The following RBM24 variants were observed in gnomAD, a reference collection of about 807,000 sequenced individuals.
RBM24 encodes RNA-binding protein 24.
A neutral mutation model predicts 23.6 loss-of-function variants in RBM24; 5 were observed. The ratio of observed to expected loss-of-function variants is 0.21; its 90% CI spans 0.11 to 0.45. The LOEUF (loss-of-function observed/expected upper bound fraction) is 0.45. RBM24 is among the 20% of genes least tolerant of loss of function. The pLI is 0.99. For synonymous variants in RBM24, 151 were observed against 129.5 expected (o/e 1.17, Z -1.13); for missense variants, 252 against 314.6 (o/e 0.80, Z 1.51).
chr6:17,293,256 CTAAAG>C lies in RBM24; in HGVS notation c.*1138_*1142del, dbSNP rs1581439813. The C allele has an allele frequency of 2.6e-5, 4 of 152,502 alleles. No individual in the cohort carries two copies. Among genetic ancestry groups the C allele is most frequent in the Admixed American group, 2.6e-4 (4 of 15,270 alleles). The allele number at this position is 152,502 out of a possible 1,614,324, so 9.4% of individuals were successfully genotyped here. ...TTTTTAAGTTTTACTATGCTGCACT[CTAAAG>C]AAAGGAACTTTAGATGTGACACTGT... On this transcript the variant is annotated 3_prime_UTR_variant, in exon 4 of 4. Coordinates refer to ENST00000379052, the MANE Select transcript of RBM24 (RefSeq NM_001143942.2).
chr6:17,290,163 C>A, intron 3 of RBM24: 1 of 1,126,472 alleles, frequency 8.9e-7, no homozygotes, highest in Non-Finnish European at 1.2e-6. Flanking sequence ...TGAGTGCTTT[C>A]AGTAAAACTC....
chr6:17,281,915 G>T lies in RBM24; in HGVS notation c.168+166G>T. ...AACTGAAACTTTGCTAGGGGAGAGG[G>T]TCGGCGCCAGCCTCGCGGGGTTCGG... On this transcript the variant is annotated intron_variant, in intron 1 of 3. Coordinates refer to ENST00000379052, the MANE Select transcript of RBM24 (RefSeq NM_001143942.2). The surrounding 1 kb of genome is among the most constrained non-coding windows in gnomAD (Gnocchi z 7.1). 1 of 1,323,940 alleles carries T rather than the reference G, an allele frequency of 7.6e-7. No homozygotes were observed. Among genetic ancestry groups the T allele is most frequent in the African/African-American group, 1.5e-5 (1 of 66,660 alleles). The allele number at this position is 1,323,940 out of a possible 1,614,324, so 82.0% of individuals were successfully genotyped here. A position where few individuals can be genotyped will look rare whatever the true frequency, so the allele number is the denominator to read the frequency against.
chr6:17,291,393 A>G (rs1760352250), intron 3 of RBM24, among the ~76,000 whole-genome samples: 1 of 152,222 alleles, frequency 6.6e-6, no homozygotes, highest in African/African-American at 2.4e-5. Context: ...TTATGAACTC[A>G]TTACAAAATT....
rs1760427191 is a variant in RBM24, at chr6:17,293,350, T to C, written c.*1231T>C. The C allele has an allele frequency of 6.5e-6, 1 of 152,672 alleles. No homozygotes were observed. Among genetic ancestry groups the C allele is most frequent in the Non-Finnish European group, 1.5e-5 (1 of 68,028 alleles). The allele number at this position is 152,672 out of a possible 1,614,324, so 9.5% of individuals were successfully genotyped here. A position where few individuals can be genotyped will look rare whatever the true frequency, so the allele number is the denominator to read the frequency against. ...AAGTCTAGATGTAGCGTATTAAATA[T>C]TAACCTATTCAACTAAAGATGTTGA... On this transcript the variant is annotated 3_prime_UTR_variant, in exon 4 of 4. Coordinates refer to ENST00000379052, the MANE Select transcript of RBM24 (RefSeq NM_001143942.2).
At chr6:17,288,070 ATTG>A (rs34085272) in intron 3 of RBM24, 1 of 160,196 alleles carries the variant, frequency 6.2e-6, no homozygotes, top group Non-Finnish European at 1.3e-5. Flanking sequence ...TGTTGAAGGC[ATTG>A]TTAATATCTT....
intron 2 of RBM24, chr6:17,283,143 G>T (rs1273271520): frequency 5.4e-5 from 28 of 519,878 alleles, no homozygotes; most frequent in Non-Finnish European, 9.4e-5. Context: ...AATGGATCTT[G>T]GGGGTCGTGC....
At chr6:17,286,831 TAAGG>T (rs1760213059) in intron 3 of RBM24, among the ~76,000 whole-genome samples, 1 of 152,284 alleles carries the variant, frequency 6.6e-6, no homozygotes, top group South Asian at 2.1e-4. Flanking sequence ...CCAGACTGTC[TAAGG>T]TGGGTCTTGA....
intron 3 of RBM24, chr6:17,288,577 G>A (rs764456159): frequency 1.8e-5 from 18 of 985,246 alleles, no homozygotes; most frequent in Middle Eastern, 5.2e-4. Flanking sequence ...GAGACTAAAC[G>A]ATAAAGCAAA....
At position 17,282,343 on chromosome 6, in the gene RBM24, G is replaced by A. The variant is rs1205766808; in HGVS notation, c.169-462G>A. ...CCGAAGAGCAGGGAGCCCCAGAGTAGGACAATAGCTATTGTCGTTGGGGAG... is the reference window on the plus strand; with the variant it reads ...CCGAAGAGCAGGGAGCCCCAGAGTAAGACAATAGCTATTGTCGTTGGGGAG... On this transcript the variant is annotated intron_variant, in intron 1 of 3. Transcript: ENST00000379052. The A allele has an allele frequency of 6.7e-6, 6 of 898,244 alleles. No individual in the cohort carries two copies. In the Admixed American group the frequency reaches 9.3e-5, roughly 14 times the overall value. 55.6% of individuals were successfully genotyped at this position (898,244 alleles called of 1,614,324 possible).
At chr6:17,287,030 G>A (rs1213076011) in intron 3 of RBM24, among the ~76,000 whole-genome samples, 14 of 152,202 alleles carry the variant, frequency 9.2e-5, no homozygotes. Context: ...CTTTATAAAG[G>A]ATGGTGATTA....
intron 2 of RBM24, among the ~76,000 whole-genome samples, chr6:17,283,490 T>C (rs1327731153): frequency 6.6e-6 from 1 of 152,174 alleles, no homozygotes; most frequent in African/African-American, 2.4e-5. Context: ...CGATCTAGGC[T>C]CACTGCAACC....
At chr6:17,289,040 A>G (rs1760278182) in intron 3 of RBM24, 2 of 985,438 alleles carry the variant, frequency 2.0e-6, no homozygotes. Flanking sequence ...ACCTGAAGAG[A>G]TGGGAAGAAA....
At chr6:17,290,960 T>C in intron 3 of RBM24, 3 of 986,232 alleles carry the variant, frequency 3.0e-6, no homozygotes, top group Non-Finnish European at 1.4e-6. Context: ...AGAAAATAAG[T>C]GTGCTGCACA....
chr6:17,283,253 A>G (rs565359673), intron 2 of RBM24, among the ~76,000 whole-genome samples: 5 of 152,220 alleles, frequency 3.3e-5, no homozygotes, highest in South Asian at 4.2e-4. Flanking sequence ...GATAATTCAC[A>G]TGTGGATTAT....
chr6:17,292,299 G>A lies in RBM24; in HGVS notation c.*180G>A. The A allele has an allele frequency of 2.0e-6, 1 of 504,158 alleles. No homozygotes were observed. The highest frequency in any genetic ancestry group is 3.1e-6 in the Non-Finnish European group (1 of 319,498). The allele number at this position is 504,158 out of a possible 1,614,324, so 31.2% of individuals were successfully genotyped here. A position where few individuals can be genotyped will look rare whatever the true frequency, so the allele number is the denominator to read the frequency against. ...AGGTAGTGTTCTAGATGAGAAAGAG[G>A]TAAGAATGAGGGGAATGGGCACAAT... On this transcript the variant is annotated 3_prime_UTR_variant, in exon 4 of 4. Transcript: ENST00000379052.
chr6:17,285,889 C>T (rs1259497910), intron 3 of RBM24, among the ~76,000 whole-genome samples: 1 of 152,126 alleles, frequency 6.6e-6, no homozygotes, highest in African/African-American at 2.4e-5. Flanking sequence ...GATCAACATG[C>T]CTGTAACTCT....
At chr6:17,287,113 A>T (rs1464432292) in intron 3 of RBM24, among the ~76,000 whole-genome samples, 1 of 152,196 alleles carries the variant, frequency 6.6e-6, no homozygotes, top group Non-Finnish European at 1.5e-5. Context: ...GGACCAAGTG[A>T]GCTTTCTCTT....
At chr6:17,290,913 C>T in intron 3 of RBM24, 1 of 1,281,628 alleles carries the variant, frequency 7.8e-7, no homozygotes, top group Non-Finnish European at 1.0e-6. Context: ...ACCGTTGTGT[C>T]CTTATGAATT....
At chr6:17,285,058 G>A (rs752456412) in intron 3 of RBM24, 7 of 174,810 alleles carry the variant, frequency 4.0e-5, no homozygotes, top group Non-Finnish European at 8.4e-5. Flanking sequence ...GACAGGGCTC[G>A]TATACAGTTA....
Sources: allele counts gnomAD v4.1 joint callset (sites outside exome capture counted in the v4.1 genomes callset), GRCh38; gene constraint gnomAD v4.1.1; non-coding constraint Gnocchi (gnomAD v3.1); transcripts MANE v1.5; gene names NCBI Gene and HGNC (gene_info 2026-07-23, HGNC 2026-07-21).